The following EMP1 variants were observed in gnomAD, a reference collection of about 807,000 sequenced individuals.
The protein encoded by EMP1 is tumor-associated membrane protein.
In EMP1, 5 loss-of-function variants were observed where a neutral mutation model predicts 15.7. The observed-to-expected ratio is 0.32, with a 90% confidence interval of 0.17 to 0.67. EMP1 has a LOEUF of 0.67. Among genes scored for constraint, EMP1 ranks in the 30% least tolerant of loss-of-function variants. EMP1 has a pLI of 0.74. For missense variants in EMP1, 166 were observed against 194.2 expected (o/e 0.85, Z 0.86); for synonymous variants, 78 against 76.7 (o/e 1.02, Z -0.09).
rs1591711981 is a variant in EMP1, at chr12:13,216,486, A to G, written c.*1795A>G. ...GATTTCATTATCACATGATTATAGA[A>G]GGCTGTCTTAGTGCAAAAAACATAC... On this transcript the variant is annotated 3_prime_UTR_variant, in exon 5 of 5. Transcript: ENST00000256951. 4.3e-6 allele frequency: 3 copies of G among 702,018 alleles called. No homozygotes were observed. Among genetic ancestry groups the G allele is most frequent in the Non-Finnish European group, 7.8e-6 (3 of 384,626 alleles). 43.5% of individuals were successfully genotyped at this position (702,018 alleles called of 1,614,324 possible).
At position 13,216,410 on chromosome 12, in the gene EMP1, G is replaced by A. The variant is rs1262160927; in HGVS notation, c.*1719G>A. 2 of 702,340 alleles carry A rather than the reference G, an allele frequency of 2.8e-6. No homozygotes were observed. The highest frequency in any genetic ancestry group is 2.3e-4 in the Middle Eastern group (1 of 4,384). 43.5% of individuals were successfully genotyped at this position (702,340 alleles called of 1,614,324 possible). On this transcript the variant is annotated 3_prime_UTR_variant, in exon 5 of 5. Transcript: ENST00000256951. ...AAGCCACCAAATTACCTAGGCTGAG[G>A]TTAGAGAGATTGGCCAGCAAAAACT...
At chr12:13,210,767 G>T (rs917533739) in intron 1 of EMP1, among the ~76,000 whole-genome samples, 1 of 152,230 alleles carries the variant, frequency 6.6e-6, no homozygotes, top group African/African-American at 2.4e-5. Context: ...CTGCCATGAG[G>T]CACACAGAGC....
intron 1 of EMP1, among the ~76,000 whole-genome samples, chr12:13,199,855 C>G (rs1864047816): frequency 6.6e-6 from 1 of 152,084 alleles, no homozygotes; most frequent in Non-Finnish European, 1.5e-5. Flanking sequence ...TTTGTTGTTG[C>G]TCCACCCAAT....
chr12:13,214,913 T>A lies in EMP1; in HGVS notation c.*222T>A, dbSNP rs1591711221. On this transcript the variant is annotated 3_prime_UTR_variant, in exon 5 of 5. Transcript: ENST00000256951. ...GGCTAGTACTTTGATGCTCCCTTGA[T>A]GGGGTCCAGAGAGCCTCCCTGCAGC... 1 of 483,024 alleles carries A rather than the reference T, an allele frequency of 2.1e-6. No homozygotes were observed. The highest frequency in any genetic ancestry group is 4.3e-5 in the East Asian group (1 of 23,188). The allele number at this position is 483,024 out of a possible 1,614,324, so 29.9% of individuals were successfully genotyped here. A position where few individuals can be genotyped will look rare whatever the true frequency, so the allele number is the denominator to read the frequency against.
chr12:13,209,085 C>T (rs3983740), intron 1 of EMP1: 83,103 of 152,060 alleles, frequency 0.55, 23,149 homozygotes, highest in East Asian at 0.65. Flanking sequence ...TATATTCTGT[C>T]ATTGGCCCCT....
chr12:13,214,275 G>A (rs1238314087), intron 4 of EMP1: 1 of 600,468 alleles, frequency 1.7e-6, no homozygotes, highest in African/African-American at 1.9e-5. Flanking sequence ...CTGGGTGGTA[G>A]GCATGAGGTT....
intron 1 of EMP1, among the ~76,000 whole-genome samples, chr12:13,207,986 T>C (rs926217946): frequency 3.3e-5 from 5 of 152,196 alleles, no homozygotes; most frequent in African/African-American, 4.8e-5. Flanking sequence ...AGAATTGCAA[T>C]GCTGTGATTC....
At chr12:13,198,927 G>A (rs1864037616) in intron 1 of EMP1, among the ~76,000 whole-genome samples, 1 of 151,108 alleles carries the variant, frequency 6.6e-6, no homozygotes, top group South Asian at 2.1e-4. Context: ...TGACAATCCC[G>A]AAATGTGAGG....
intron 1 of EMP1, among the ~76,000 whole-genome samples, chr12:13,206,592 T>A (rs998114888): frequency 2.0e-5 from 3 of 152,202 alleles, no homozygotes; most frequent in Non-Finnish European, 4.4e-5. Flanking sequence ...CCAGTTATTG[T>A]GTTTTAGGTC....
At chr12:13,205,982 C>T (rs1212690248) in intron 1 of EMP1, among the ~76,000 whole-genome samples, 2 of 152,020 alleles carry the variant, frequency 1.3e-5, no homozygotes, top group East Asian at 1.9e-4. Context: ...CAGGGGAGTG[C>T]CATGGTCAGA....
chr12:13,198,364 G>A (rs572697763), intron 1 of EMP1, among the ~76,000 whole-genome samples: 13 of 152,246 alleles, frequency 8.5e-5, no homozygotes, highest in African/African-American at 3.1e-4. Context: ...AAGTAAACAA[G>A]ATGAGAATGA....
chr12:13,217,766 T>G lies in EMP1; in HGVS notation c.*3075T>G, dbSNP rs1864227054. On this transcript the variant is annotated 3_prime_UTR_variant, in exon 5 of 5. Transcript: ENST00000256951. ...GTGAATGGGGGTGCATTAGTCAGAA[T>G]TCTCCAGAGAAACAGAAAAAATAAG... 1 of 152,082 alleles carries G rather than the reference T, an allele frequency of 6.6e-6. No individual in the cohort carries two copies. Among genetic ancestry groups the G allele is most frequent in the Non-Finnish European group, 1.5e-5 (1 of 68,036 alleles). 9.4% of individuals were successfully genotyped at this position (152,082 alleles called of 1,614,324 possible). A position where few individuals can be genotyped will look rare whatever the true frequency, so the allele number is the denominator to read the frequency against.
intron 1 of EMP1, among the ~76,000 whole-genome samples, chr12:13,202,333 A>G (rs1406142816): frequency 3.3e-5 from 5 of 152,226 alleles, no homozygotes; most frequent in African/African-American, 1.2e-4. Context: ...TGTGCCCACC[A>G]GGCTGGAACC....
At chr12:13,213,873 A>C (rs766452292) in intron 4 of EMP1, 52 bp downstream of exon 4, 2 of 1,607,234 alleles carry the variant, frequency 1.2e-6, no homozygotes, top group Admixed American at 3.3e-5. Context: ...CCATCTTACC[A>C]TGGGTGTTTC....
chr12:13,208,747 C>T (rs185133070), intron 1 of EMP1, among the ~76,000 whole-genome samples: 11 of 152,258 alleles, frequency 7.2e-5, no homozygotes, highest in Non-Finnish European at 1.6e-4. Context: ...GGGAGGGCAC[C>T]ATCACAAAAA....
At chr12:13,210,482 A>G (rs1182341777) in intron 1 of EMP1, among the ~76,000 whole-genome samples, 1 of 152,202 alleles carries the variant, frequency 6.6e-6, no homozygotes, top group Non-Finnish European at 1.5e-5. Flanking sequence ...TTTATGATCA[A>G]TGGGCTCCCT....
intron 1 of EMP1, among the ~76,000 whole-genome samples, chr12:13,203,149 G>A (rs1313763442): frequency 2.0e-5 from 3 of 152,208 alleles, no homozygotes; most frequent in Admixed American, 1.3e-4. Flanking sequence ...GCTGGTTGAA[G>A]CATGTTGCCG....
chr12:13,205,494 T>TAA lies in EMP1; in HGVS notation c.-42-5966_-42-5965dup, dbSNP rs142434766. On this transcript the variant is annotated intron_variant, in intron 1 of 4. Coordinates refer to ENST00000256951, the MANE Select transcript of EMP1 (RefSeq NM_001423.3). Reference sequence around the variant, plus strand: ...ATAAAGGACTAAAGTCTATGTATGTTAAAAAAAAAAGGAAATATTTTCCCT... The same window carrying TAA: ...ATAAAGGACTAAAGTCTATGTATGTTAAAAAAAAAAAAGGAAATATTTTCCCT... 1.5e-4 allele frequency among the ~76,000 whole-genome samples: 23 copies of TAA among 149,252 alleles called. No homozygotes were observed. In the South Asian group the frequency reaches 3.8e-3, roughly 25 times the overall value.
Position 13,219,373 on chromosome 12 carries a change from A to G in EMP1, c.*4682A>G, listed in dbSNP as rs1418381985. The G allele has an allele frequency of 6.6e-6, 1 of 152,226 alleles. No individual in the cohort carries two copies. Among genetic ancestry groups the G allele is most frequent in the African/African-American group, 2.4e-5 (1 of 41,454 alleles). 9.4% of individuals were successfully genotyped at this position (152,226 alleles called of 1,614,324 possible). A position where few individuals can be genotyped will look rare whatever the true frequency, so the allele number is the denominator to read the frequency against. On this transcript the variant is annotated 3_prime_UTR_variant, in exon 5 of 5. Coordinates refer to ENST00000256951, the MANE Select transcript of EMP1 (RefSeq NM_001423.3). ...CACCTCAGTGTGGACTTAATCGTCC[A>G]CATCACTGTCAGCATTTTGGTTAAA...
Sources: gnomAD v4.1 joint callset for allele counts (sites outside exome capture counted in the v4.1 genomes callset) on GRCh38, gnomAD v4.1.1 for gene constraint, MANE v1.5 for transcripts, NCBI Gene and HGNC (gene_info 2026-07-23, HGNC 2026-07-21) for gene names.